MPHOSPH8: variants seen among roughly 807,000 people sequenced by gnomAD.
MPHOSPH8 encodes M-phase phosphoprotein 8.
In MPHOSPH8, 45 loss-of-function variants were observed where a neutral mutation model predicts 87.3. That is an observed-to-expected ratio of 0.52 (90% CI 0.41 to 0.66). The LOEUF (loss-of-function observed/expected upper bound fraction) is 0.66, where lower values mean the gene tolerates loss of function less well. MPHOSPH8 is among the 30% of genes least tolerant of loss of function. The probability of loss-of-function intolerance (pLI) is 0.00; values close to 1 mark genes in which losing one functional copy is unlikely to be tolerated. For missense variants in MPHOSPH8, 883 were observed against 1,020.2 expected, an observed-to-expected ratio of 0.87 and a Z score of 1.83; for synonymous variants, 366 against 376.9, an observed-to-expected ratio of 0.97 and a Z score of 0.33.
Position 19,661,360 on chromosome 13 carries a change from G to A in MPHOSPH8, c.1792-338G>A, listed in dbSNP as rs1593486148. On this transcript the variant is annotated intron_variant, in intron 7 of 13. Transcript: ENST00000361479. Reference sequence around the variant, plus strand: ...ACACAAAATGAGCACATGCTGTGGGGTAATGATGTGAATAAACGTGCTTGT... The same window carrying A: ...ACACAAAATGAGCACATGCTGTGGGATAATGATGTGAATAAACGTGCTTGT... Among the ~76,000 whole-genome samples, 3 of 152,332 alleles carry A rather than the reference G, an allele frequency of 2.0e-5. 1 individual carries two copies. Among genetic ancestry groups the A allele is most frequent in the East Asian group, 3.9e-4 (2 of 5,188 alleles).
chr13:19,633,993 CG>C, intron 1 of MPHOSPH8, 32 bp downstream of exon 1: 1 of 1,583,406 alleles, frequency 6.3e-7, no homozygotes, highest in Non-Finnish European at 8.6e-7. Flanking sequence ...CGGGGCTGGG[CG>C]GGGAGCTCCG....
chr13:19,673,330 A>T lies in MPHOSPH8; in HGVS notation c.*1455A>T, dbSNP rs1180077811. 9.3e-5 allele frequency: 28 copies of T among 299,938 alleles called. No individual in the cohort carries two copies. Among genetic ancestry groups the T allele is most frequent in the Non-Finnish European group, 1.5e-4 (23 of 150,886 alleles). The allele number at this position is 299,938 out of a possible 1,614,324, so 18.6% of individuals were successfully genotyped here. A position where few individuals can be genotyped will look rare whatever the true frequency, so the allele number is the denominator to read the frequency against. On this transcript the variant is annotated 3_prime_UTR_variant, in exon 14 of 14. Coordinates refer to ENST00000361479, the MANE Select transcript of MPHOSPH8 (RefSeq NM_017520.4). ...TTATAATTGTATGAAATACGATTTT[A>T]ATGAAAACTTTTCAGAATTCACGTT... is the stretch of plus-strand genomic sequence containing the variant.
chr13:19,666,104 G>T (rs951210897), intron 9 of MPHOSPH8, among the ~76,000 whole-genome samples: 9 of 152,212 alleles, frequency 5.9e-5, no homozygotes, highest in African/African-American at 2.2e-4. Flanking sequence ...GCTTAGCAAG[G>T]CCTGGTGTCT....
At chr13:19,666,708 G>T in intron 10 of MPHOSPH8, 129 bp downstream of exon 10, 1 of 717,476 alleles carries the variant, frequency 1.4e-6, no homozygotes, top group East Asian at 2.8e-5. Flanking sequence ...TGATGGTTTT[G>T]TTTCCAGTAG....
chr13:19,670,113 C>T, intron 11 of MPHOSPH8, 123 bp from the exon 12 acceptor site: 1 of 1,151,234 alleles, frequency 8.7e-7, no homozygotes, highest in South Asian at 1.5e-5. Context: ...AGCCTCCAGG[C>T]AGAGTGGGTG....
chr13:19,651,401 C>T (rs1275277118), intron 5 of MPHOSPH8, among the ~76,000 whole-genome samples: 2 of 152,000 alleles, frequency 1.3e-5, no homozygotes, highest in South Asian at 2.1e-4. Flanking sequence ...GCAGTGTGCA[C>T]CTGTATTCCC....
rs1873821760 is a variant in MPHOSPH8, at chr13:19,633,676, A to C, written c.-73A>C. The C allele has an allele frequency of 8.6e-6, 13 of 1,507,136 alleles. No individual in the cohort carries two copies. Among genetic ancestry groups the C allele is most frequent in the Non-Finnish European group, 1.1e-5 (12 of 1,108,742 alleles). The allele number at this position is 1,507,136 out of a possible 1,614,324, so 93.4% of individuals were successfully genotyped here. On this transcript the variant is annotated 5_prime_UTR_variant, in exon 1 of 14. Transcript: ENST00000361479. ...ACGCCGCTGATGTGGAGTAGGGCCGAGCGCGGAACGCGAGGGGCTGCTGGG... is the reference window on the plus strand; with the variant it reads ...ACGCCGCTGATGTGGAGTAGGGCCGCGCGCGGAACGCGAGGGGCTGCTGGG...
intron 5 of MPHOSPH8, among the ~76,000 whole-genome samples, chr13:19,650,594 T>G (rs1042655855): frequency 1.3e-5 from 2 of 152,216 alleles, no homozygotes; most frequent in Admixed American, 6.5e-5. Flanking sequence ...AATATAAACT[T>G]ATTTGTATTT....
chr13:19,637,840 G>A (rs1019022657), intron 1 of MPHOSPH8, among the ~76,000 whole-genome samples: 1 of 151,634 alleles, frequency 6.6e-6, no homozygotes. Context: ...GGTGGGTCAC[G>A]CCTGTAATCC....
intron 12 of MPHOSPH8, 92 bp downstream of exon 12, chr13:19,670,455 T>C: frequency 7.1e-7 from 1 of 1,405,262 alleles, no homozygotes. Flanking sequence ...CTTAATAAAA[T>C]ATAAGCATTC....
At chr13:19,659,834 G>C (rs1875413671) in intron 7 of MPHOSPH8, among the ~76,000 whole-genome samples, 1 of 151,944 alleles carries the variant, frequency 6.6e-6, no homozygotes, top group Non-Finnish European at 1.5e-5. Flanking sequence ...TGCCACTCTT[G>C]AGAGCGTAGA....
intron 5 of MPHOSPH8, among the ~76,000 whole-genome samples, chr13:19,657,645 G>C (rs540934020): frequency 1.3e-5 from 2 of 152,260 alleles, no homozygotes; most frequent in African/African-American, 4.8e-5. Flanking sequence ...CATGGGTTTT[G>C]AACCAGTTTG....
At chr13:19,648,274 G>T in intron 3 of MPHOSPH8, 148 bp from the exon 4 acceptor site, 1 of 421,230 alleles carries the variant, frequency 2.4e-6, no homozygotes, top group Non-Finnish European at 4.4e-6. Context: ...ATTCTTTTGT[G>T]TGAAGAGGAT....
chr13:19,660,734 T>C (rs1875479709), intron 7 of MPHOSPH8, among the ~76,000 whole-genome samples: 1 of 152,200 alleles, frequency 6.6e-6, no homozygotes, highest in Non-Finnish European at 1.5e-5. Context: ...CATTTACATT[T>C]TGTTTTCTAA....
At chr13:19,667,890 C>A (rs765030891) in intron 10 of MPHOSPH8, among the ~76,000 whole-genome samples, 1 of 152,048 alleles carries the variant, frequency 6.6e-6, no homozygotes, top group Admixed American at 6.5e-5. Context: ...GAACTCAAGG[C>A]GGTGTTTATG....
At chr13:19,641,588 G>A (rs1311085138) in intron 1 of MPHOSPH8, among the ~76,000 whole-genome samples, 1 of 148,032 alleles carries the variant, frequency 6.8e-6, no homozygotes, top group Admixed American at 6.8e-5. Context: ...TGCCTTCTGG[G>A]TTCAAGCGAT....
intron 2 of MPHOSPH8, among the ~76,000 whole-genome samples, chr13:19,642,786 C>T (rs577321705): frequency 6.6e-6 from 1 of 151,976 alleles, no homozygotes; most frequent in East Asian, 1.9e-4. Context: ...TTTCTCCCTA[C>T]AATTTAAGTT....
chr13:19,671,876 C>T lies in MPHOSPH8; in HGVS notation c.*1C>T. 3 of 1,614,018 alleles carry T rather than the reference C, an allele frequency of 1.9e-6. No homozygotes were observed. The highest frequency in any genetic ancestry group is 2.5e-6 in the Non-Finnish European group (3 of 1,179,890). The stretch of plus-strand genomic sequence containing the variant: ...TGCATACAGAGTGCAGCTGCAGTGA[C>T]CAAACAGAAGGGACTGGGCGGAGTT... On this transcript the variant is annotated 3_prime_UTR_variant, in exon 14 of 14. Transcript: ENST00000361479.
chr13:19,633,865 C>A lies in MPHOSPH8; in HGVS notation c.117C>A (p.Asp39Glu). Residue 39 changes from aspartate (D) to glutamate (E), a missense_variant, in exon 1 of 14, where the codon GAC (aspartate) becomes GAA (glutamate). This residue lies in a region of MPHOSPH8 where 103 missense variants were observed against 96.3 expected (regional missense o/e 1.07). Transcript: ENST00000361479. ...EGVGVVGEDN[D>E]AAARGAEAFG... ...TTGGAGTAGTGGGCGAAGATAATGACGCAGCCGCGAGAGGAGCGGAGGCCT... is the reference window on the plus strand; with the variant it reads ...TTGGAGTAGTGGGCGAAGATAATGAAGCAGCCGCGAGAGGAGCGGAGGCCT... 2 of 1,611,328 alleles carry A rather than the reference C, an allele frequency of 1.2e-6. No individual in the cohort carries two copies. Among genetic ancestry groups the A allele is most frequent in the Non-Finnish European group, 1.7e-6 (2 of 1,179,098 alleles).
Sources: allele counts gnomAD v4.1 joint callset (sites outside exome capture counted in the v4.1 genomes callset), GRCh38; gene constraint gnomAD v4.1.1; regional missense constraint gnomAD v4.1.1; transcripts MANE v1.5; gene names NCBI Gene and HGNC (gene_info 2026-07-23, HGNC 2026-07-21).